Variants in KMT2C observed in about 807,000 individuals in gnomAD.
KMT2C encodes lysine methyltransferase 2C.
Under a neutral mutation model 507.9 loss-of-function variants are expected in KMT2C, and 88 were observed. That is an observed-to-expected ratio of 0.17 (90% CI 0.15 to 0.21). The LOEUF is 0.21. Among genes scored for constraint, KMT2C ranks in the 10% least tolerant of loss-of-function variants. KMT2C has a pLI of 1.00. For synonymous variants in KMT2C, 2,049 were observed against 2,080.8 expected (o/e 0.98, Z 0.42); for missense variants, 4,954 against 5,957.8 (o/e 0.83, Z 5.55).
chr7:152,163,542 G>A lies in KMT2C; in HGVS notation c.10035C>T (p.Pro3345=), dbSNP rs201493045. 7 of 1,610,442 alleles carry A rather than the reference G, an allele frequency of 4.3e-6. No homozygotes were observed. Among genetic ancestry groups the A allele is most frequent in the African/African-American group, 4.0e-5 (3 of 74,900 alleles). Residue 3345 remains proline (P), a synonymous_variant, in exon 43 of 59, where the codon CCC becomes CCT. Transcript: ENST00000262189. The part of the protein sequence containing the change: ...WQPNSAPAHL[P]LNPPRIQPPI... ...GGGGCTGAATTCTAGGAGGATTGAG[G>A]GGCAGGTGGGCAGGAGCACTGTTGG...
At chr7:152,358,741 T>G in intron 1 of KMT2C, 66 bp from the exon 2 acceptor site, 1 of 1,018,436 alleles carries the variant, frequency 9.8e-7, no homozygotes, top group Non-Finnish European at 1.5e-6. Context: ...CTTAGACTTA[T>G]ATTCAACATA....
Position 152,246,181 on chromosome 7 carries a change from A to G in KMT2C, c.2532+1721T>C, listed in dbSNP as rs2095470297. Among the ~76,000 whole-genome samples the G allele has an allele frequency of 2.0e-5, 3 of 152,186 alleles. No homozygotes were observed. The East Asian group carries it at 5.8e-4, about 29-fold the overall frequency. On this transcript the variant is annotated intron_variant, in intron 14 of 58. Coordinates refer to ENST00000262189, the MANE Select transcript of KMT2C (RefSeq NM_170606.3). ...CTATTCAATTCATACTCTCCCTAAT[A>G]ACAGCACTATATTAGCAGGTTCATC...
At chr7:152,418,339 G>A (rs1259104775) in intron 1 of KMT2C, among the ~76,000 whole-genome samples, 1 of 152,212 alleles carries the variant, frequency 6.6e-6, no homozygotes, top group Non-Finnish European at 1.5e-5. Context: ...AGGTCAGCCA[G>A]AGCATTACAC....
At chr7:152,294,846 C>G (rs1211846416) in intron 6 of KMT2C, among the ~76,000 whole-genome samples, 3 of 152,060 alleles carry the variant, frequency 2.0e-5, no homozygotes, top group Non-Finnish European at 4.4e-5. Flanking sequence ...TAACATCCAC[C>G]TTTTCACTGG....
intron 1 of KMT2C, among the ~76,000 whole-genome samples, chr7:152,399,019 G>C (rs1054384378): frequency 4.0e-5 from 6 of 149,264 alleles, no homozygotes; most frequent in South Asian, 2.2e-4. Flanking sequence ...TTTAGGGGTA[G>C]GGTTTCACCA....
At chr7:152,315,418 G>A in intron 3 of KMT2C, 80 bp from the exon 4 acceptor site, 1 of 996,682 alleles carries the variant, frequency 1.0e-6, no homozygotes, top group Non-Finnish European at 1.5e-6. Flanking sequence ...ATAGATACTT[G>A]TGCTTTTAAA....
At chr7:152,332,851 AACACACACACACACAC>A (rs35781658) in intron 2 of KMT2C, among the ~76,000 whole-genome samples, 7 of 138,520 alleles carry the variant, frequency 5.1e-5, no homozygotes, top group Non-Finnish European at 7.7e-5. Flanking sequence ...TGCGTCTCAA[AACACACACACACACAC>A]ACACACACAC....
At chr7:152,368,558 A>G (rs2097266362) in intron 1 of KMT2C, 1 of 1,391,918 alleles carries the variant, frequency 7.2e-7, no homozygotes, top group Non-Finnish European at 1.0e-6. Flanking sequence ...AAACGTCGTC[A>G]GTTTGAGGAT....
intron 41 of KMT2C, 93 bp downstream of exon 41, chr7:152,169,093 G>T: frequency 1.3e-6 from 1 of 782,336 alleles, no homozygotes. Flanking sequence ...GCTTGAACTG[G>T]TGTACCTACA....
chr7:152,329,590 A>C (rs2096861124), intron 3 of KMT2C, among the ~76,000 whole-genome samples: 1 of 151,036 alleles, frequency 6.6e-6, no homozygotes, highest in Non-Finnish European at 1.5e-5. Context: ...AAAAAAAAGA[A>C]AGGAAAGGAA....
rs1225652736 is a variant in KMT2C at position 152,252,034 on chromosome 7, T to C, written c.1526A>G (p.Lys509Arg). 6.2e-7 allele frequency: 1 copy of C among 1,612,148 alleles called. No individual in the cohort carries two copies. The highest frequency in any genetic ancestry group is 1.1e-5 in the South Asian group (1 of 90,692). The change falls in exon 11 of 59, where the codon AAA (lysine) becomes AGA (arginine). Residue 509 changes from lysine to arginine, a missense_variant. Transcript: ENST00000262189. ...PTDHELDTQL[K>R]EEYICMYCKH... The stretch of plus-strand genomic sequence containing the variant: ...ACAATACATGCAGATATACTCTTCT[T>C]TGAGCTGAGTATCCAGTTCATGATC...
intron 1 of KMT2C, among the ~76,000 whole-genome samples, chr7:152,369,095 G>C (rs111867476): frequency 3.1e-4 from 47 of 152,154 alleles, no homozygotes; most frequent in African/African-American, 1.1e-3. Flanking sequence ...GGCCAAGGCA[G>C]GCAGATCACT....
At chr7:152,367,420 A>G in intron 1 of KMT2C, 1 of 698,384 alleles carries the variant, frequency 1.4e-6, no homozygotes, top group East Asian at 2.6e-5. Context: ...GTCTCGCCTT[A>G]TTTCGCAGGC....
At chr7:152,184,463 C>T (rs533615006) in intron 34 of KMT2C, among the ~76,000 whole-genome samples, 5 of 152,224 alleles carry the variant, frequency 3.3e-5, no homozygotes, top group East Asian at 3.9e-4. Context: ...ATATGAACTG[C>T]GAATCTTATA....
intron 3 of KMT2C, among the ~76,000 whole-genome samples, chr7:152,315,919 C>CA (rs1176224024): frequency 1.3e-5 from 2 of 151,144 alleles, no homozygotes; most frequent in Non-Finnish European, 1.5e-5. Context: ...TCTCAGGAAA[C>CA]AAAAAAAATG....
chr7:152,153,050 TA>T lies in KMT2C; in HGVS notation c.12277-97del, dbSNP rs1249968174. 2.6e-5 allele frequency: 37 copies of T among 1,410,552 alleles called. No individual in the cohort carries two copies. In the South Asian group the frequency reaches 4.7e-4, roughly 18 times the overall value. 87.4% of individuals were successfully genotyped at this position (1,410,552 alleles called of 1,614,324 possible). A position where few individuals can be genotyped will look rare whatever the true frequency, so the allele number is the denominator to read the frequency against. On this transcript the variant is annotated intron_variant, in intron 48 of 58. Coordinates refer to ENST00000262189, the MANE Select transcript of KMT2C (RefSeq NM_170606.3). ...CTTAGGATAAATCCTCTTTGCATGA[TA>T]CATAGATTCTAAGAAAATCCAACAA... is the stretch of plus-strand genomic sequence containing the variant.
chr7:152,330,388 G>C (rs7806141), intron 3 of KMT2C, among the ~76,000 whole-genome samples: 21,580 of 151,932 alleles, frequency 0.14, 3,999 homozygotes, highest in African/African-American at 0.43. Context: ...GAGTAAAACC[G>C]TAGTGTGCTG....
chr7:152,230,821 T>C (rs556379082), intron 16 of KMT2C, among the ~76,000 whole-genome samples: 8,370 of 152,130 alleles, frequency 0.055, 788 homozygotes, highest in African/African-American at 0.19. Context: ...TTCACTATAA[T>C]CTTTATTTTG....
chr7:152,295,609 A>G (rs968843536), intron 6 of KMT2C, among the ~76,000 whole-genome samples: 13 of 152,194 alleles, frequency 8.5e-5, no homozygotes, highest in African/African-American at 3.1e-4. Flanking sequence ...TTTATTGCCT[A>G]TAAAATATCC....
Sources: allele counts gnomAD v4.1 joint callset (sites outside exome capture counted in the v4.1 genomes callset), GRCh38; gene constraint gnomAD v4.1.1; transcripts MANE v1.5; gene names NCBI Gene and HGNC (gene_info 2026-07-23, HGNC 2026-07-21).